RARS1: variants seen among roughly 807,000 people sequenced by gnomAD.
RARS1 encodes the protein arginine--tRNA ligase, cytoplasmic.
In RARS1, 75 loss-of-function variants were observed where a neutral mutation model predicts 78.7. The observed-to-expected ratio is 0.95, with a 90% CI of 0.79 to 1.15. The LOEUF is 1.15. Among genes scored for constraint, RARS1 ranks in the 50% most tolerant of loss-of-function variants. The pLI is 0.00. For synonymous variants in RARS1, 273 were observed against 268.2 expected, an observed-to-expected ratio of 1.02 and a Z score of -0.18; for missense variants, 787 against 787.5, an observed-to-expected ratio of 1.00 and a Z score of 0.01.
At chr5:168,511,573 TA>T (rs533829203) in intron 12 of RARS1, among the ~76,000 whole-genome samples, 2 of 152,200 alleles carry the variant, frequency 1.3e-5, no homozygotes, top group Admixed American at 6.5e-5. Flanking sequence ...TGAAAAGTGG[TA>T]AGTTCAGTCA....
chr5:168,498,741 C>G (rs1582432053), intron 7 of RARS1, among the ~76,000 whole-genome samples: 1 of 152,132 alleles, frequency 6.6e-6, no homozygotes, highest in South Asian at 2.1e-4. Flanking sequence ...CCAAGGTGGG[C>G]AAAATGCTTG....
rs138178789 is a variant in RARS1 at position 168,506,121 on chromosome 5, A to G, written c.1158A>G (p.Thr386=). 3.1e-6 allele frequency: 5 copies of G among 1,603,178 alleles called. No homozygotes were observed. Among genetic ancestry groups the G allele is most frequent in the East Asian group, 4.5e-5 (2 of 44,570 alleles). ...VKSDGGYTYD[T]SDLAAIKQRL... ...CAGATGGAGGTTATACCTATGATAC[A>G]TCTGACCTGGCTGCTATTAAACAAA... Residue 386 remains threonine, a synonymous_variant, in exon 10 of 15, where the codon ACA becomes ACG. Coordinates refer to ENST00000231572, the MANE Select transcript of RARS1 (RefSeq NM_002887.4).
chr5:168,493,678 C>T (rs1006186355), intron 3 of RARS1, among the ~76,000 whole-genome samples: 5 of 149,630 alleles, frequency 3.3e-5, no homozygotes, highest in African/African-American at 4.9e-5. Context: ...TTGTGTGTAA[C>T]GTATTTGGAA....
At chr5:168,506,607 C>T in intron 10 of RARS1, 115 bp from the exon 11 acceptor site, 1 of 743,672 alleles carries the variant, frequency 1.3e-6, no homozygotes, top group Middle Eastern at 3.1e-4. Flanking sequence ...GCACTTGTCT[C>T]ACAAGATTTA....
chr5:168,495,103 A>G (rs929018756), intron 5 of RARS1: 1 of 797,666 alleles, frequency 1.3e-6, no homozygotes, highest in South Asian at 2.6e-5. Context: ...CATGAATTTG[A>G]TTCTTTTTCA....
chr5:168,488,262 G>A (rs1256355507), intron 1 of RARS1: 4 of 344,696 alleles, frequency 1.2e-5, no homozygotes, highest in African/African-American at 2.2e-5. Context: ...CAAGTAGCTA[G>A]GATTACAGGC....
rs565061284 is a variant in RARS1, at chr5:168,512,654, T to C, written c.1452+1968T>C. Among the ~76,000 whole-genome samples, 86 of 152,292 alleles carry C rather than the reference T, an allele frequency of 5.6e-4. 1 individual carries two copies. The highest frequency in any genetic ancestry group is 3.4e-3 in the Middle Eastern group (1 of 294). ...AAACTGAAGAACTTGGAGTCAGATA[T>C]TCGAGGGCAGGAAGCATCCAGCACG... On this transcript the variant is annotated intron_variant, in intron 12 of 14. Coordinates refer to ENST00000231572, the MANE Select transcript of RARS1 (RefSeq NM_002887.4).
chr5:168,492,951 A>T (rs1471045204), intron 3 of RARS1, 104 bp downstream of exon 3: 1 of 1,113,580 alleles, frequency 9.0e-7, no homozygotes, highest in Non-Finnish European at 1.2e-6. Flanking sequence ...CCTTAGTGAA[A>T]AGGACATTTG....
Position 168,500,574 on chromosome 5 carries a change from AATAT to A in RARS1, c.823-7_823-4del. On this transcript the variant is annotated splice_polypyrimidine_tract_variant and intron_variant, in intron 7 of 14. Transcript: ENST00000231572. ...TCTTTTTACACACCTTACTTTTTAAAATATATATATATACAGGAATCTAAGAAGA... is the reference window on the plus strand; with the variant it reads ...TCTTTTTACACACCTTACTTTTTAAAATATATATACAGGAATCTAAGAAGA... 7.0e-7 allele frequency: 1 copy of A among 1,422,026 alleles called. No homozygotes were observed. The highest frequency in any genetic ancestry group is 2.7e-5 in the East Asian group (1 of 36,590). The allele number at this position is 1,422,026 out of a possible 1,614,324, so 88.1% of individuals were successfully genotyped here. A position where few individuals can be genotyped will look rare whatever the true frequency, so the allele number is the denominator to read the frequency against.
chr5:168,510,578 T>C lies in RARS1; in HGVS notation c.1347-3T>C, dbSNP rs1382053892. ...ATCTGATTGGGGGTTTTACATTTTT[T>C]AGGAAAAAGTTTAAAACACGTTCGG... On this transcript the variant is annotated splice_region_variant and splice_polypyrimidine_tract_variant and intron_variant, in intron 11 of 14. Coordinates refer to ENST00000231572, the MANE Select transcript of RARS1 (RefSeq NM_002887.4). 1.9e-6 allele frequency: 3 copies of C among 1,601,858 alleles called. No individual in the cohort carries two copies. Among genetic ancestry groups the C allele is most frequent in the Non-Finnish European group, 2.6e-6 (3 of 1,175,946 alleles).
intron 11 of RARS1, among the ~76,000 whole-genome samples, chr5:168,508,530 G>A (rs1306225312): frequency 1.4e-5 from 2 of 145,786 alleles, no homozygotes; most frequent in South Asian, 2.1e-4. Flanking sequence ...TGAGGCAGGA[G>A]AATGGTGTAA....
chr5:168,513,626 CT>C (rs1484585266), intron 12 of RARS1, among the ~76,000 whole-genome samples: 1 of 151,538 alleles, frequency 6.6e-6, no homozygotes. Flanking sequence ...GCCTGACTGC[CT>C]TTTCTTAGGC....
chr5:168,509,964 C>G (rs1758534232), intron 11 of RARS1, among the ~76,000 whole-genome samples: 1 of 152,090 alleles, frequency 6.6e-6, no homozygotes, highest in African/African-American at 2.4e-5. Context: ...GAGCAAGACC[C>G]TGTCTCTAAA....
chr5:168,504,584 T>C (rs1582436052), intron 9 of RARS1, among the ~76,000 whole-genome samples: 1 of 151,094 alleles, frequency 6.6e-6, no homozygotes, highest in South Asian at 2.1e-4. Flanking sequence ...CCCAGCACTT[T>C]GGGAGGCCGA....
intron 2 of RARS1, among the ~76,000 whole-genome samples, chr5:168,490,155 A>G (rs936401070): frequency 6.6e-6 from 1 of 152,256 alleles, no homozygotes. Flanking sequence ...CGAGTCTCAT[A>G]TTACCTATAT....
chr5:168,517,051 T>C, intron 13 of RARS1, 101 bp downstream of exon 13: 1 of 1,240,572 alleles, frequency 8.1e-7, no homozygotes, highest in Non-Finnish European at 1.1e-6. Flanking sequence ...GACGGGGTCT[T>C]GGGCTCAAAT....
intron 2 of RARS1, among the ~76,000 whole-genome samples, chr5:168,489,597 A>G (rs1236110755): frequency 6.6e-6 from 1 of 152,132 alleles, no homozygotes; most frequent in Non-Finnish European, 1.5e-5. Flanking sequence ...TTTTGTTTTA[A>G]AAAAATGAAC....
chr5:168,490,863 G>A (rs940618885), intron 2 of RARS1, among the ~76,000 whole-genome samples: 4 of 152,114 alleles, frequency 2.6e-5, no homozygotes, highest in Non-Finnish European at 5.9e-5. Context: ...GAGGTTGGGC[G>A]CAGTGGCTCA....
intron 7 of RARS1, chr5:168,498,092 A>C (rs956965823): frequency 1.3e-5 from 2 of 152,244 alleles, no homozygotes; most frequent in East Asian, 1.9e-4. Flanking sequence ...CTAGCCAGGC[A>C]TGGTGGTTCA....
Sources: gnomAD v4.1 joint callset for allele counts (sites outside exome capture counted in the v4.1 genomes callset) on GRCh38, gnomAD v4.1.1 for gene constraint, MANE v1.5 for transcripts, NCBI Gene and HGNC (gene_info 2026-07-23, HGNC 2026-07-21) for gene names.